CACNA1E: variants seen among roughly 807,000 people sequenced by gnomAD.
CACNA1E encodes voltage-dependent R-type calcium channel subunit alpha-1E.
Under a neutral mutation model 259.2 loss-of-function variants are expected in CACNA1E, and 40 were observed. The observed-to-expected ratio is 0.15, with a 90% CI of 0.12 to 0.20. The LOEUF is 0.20. Ranked by LOEUF, CACNA1E falls within the 10% of genes least tolerant of loss-of-function variation. The probability of loss-of-function intolerance (pLI) is 1.00; values close to 1 mark genes in which losing one functional copy is unlikely to be tolerated. For missense variants in CACNA1E, 1,874 were observed against 3,040.1 expected, an observed-to-expected ratio of 0.62 and a Z score of 9.02; for synonymous variants, 1,104 against 1,138.5, an observed-to-expected ratio of 0.97 and a Z score of 0.61.
intron 1 of CACNA1E, among the ~76,000 whole-genome samples, chr1:181,402,993 C>T (rs1404202196): frequency 6.6e-6 from 1 of 152,114 alleles, no homozygotes; most frequent in African/African-American, 2.4e-5. Context: ...GGTTAATAAA[C>T]ATGAATTTCA....
At chr1:181,616,843 G>A (rs569793569) in intron 6 of CACNA1E, among the ~76,000 whole-genome samples, 1 of 152,278 alleles carries the variant, frequency 6.6e-6, no homozygotes, top group Admixed American at 6.5e-5. Flanking sequence ...ATAAGTTACA[G>A]ATTTAATTTC....
At position 181,385,763 on chromosome 1, in the gene CACNA1E, C is replaced by A. The variant is rs542452969; in HGVS notation, c.-14-27370C>A. Among the ~76,000 whole-genome samples the A allele has an allele frequency of 2.6e-5, 4 of 151,588 alleles. No homozygotes were observed. The South Asian group carries it at 8.4e-4, about 32-fold the overall frequency. The stretch of plus-strand genomic sequence containing the variant: ...CCTTTCCTTCCTCTTTCCTCCTCTC[C>A]TCTCTTACTTCCCTCCCTCCTTTCT... On this transcript the variant is annotated intron_variant, in intron 1 of 11. Coordinates refer to the CACNA1E transcript ENST00000524607.
intron 2 of CACNA1E, among the ~76,000 whole-genome samples, chr1:181,454,396 C>A (rs1233254384): frequency 2.0e-5 from 3 of 152,154 alleles, no homozygotes; most frequent in Non-Finnish European, 4.4e-5. Context: ...TTGAAAGGGA[C>A]CTTTCAATAT....
chr1:181,401,426 A>G (rs529295064), intron 1 of CACNA1E, among the ~76,000 whole-genome samples: 1 of 152,142 alleles, frequency 6.6e-6, no homozygotes, highest in South Asian at 2.1e-4. Context: ...GAATCTGTTT[A>G]TTTTTCTGTT....
intron 3 of CACNA1E, among the ~76,000 whole-genome samples, chr1:181,526,602 G>T (rs1490501836): frequency 6.6e-6 from 1 of 152,088 alleles, no homozygotes; most frequent in Non-Finnish European, 1.5e-5. Flanking sequence ...ATATCATTTT[G>T]ATCTTGAAAT....
Position 181,781,475 on chromosome 1 carries a change from A to T in CACNA1E, c.5316A>T (p.Ser1772=). The part of the protein sequence containing the change: ...TEMYEMLTLM[S]PPLGLGKRCP... The stretch of plus-strand genomic sequence containing the variant: ...TGTATGAAATGCTGACTCTCATGTC[A>T]CCTCCGCTAGGCCTCGGCAAGAGAT... Residue 1772 remains serine (S), a synonymous_variant, in exon 39 of 48, where the codon TCA becomes TCT. Transcript: ENST00000367573. 1 of 1,598,796 alleles carries T rather than the reference A, an allele frequency of 6.3e-7. No individual in the cohort carries two copies. Among genetic ancestry groups the T allele is most frequent in the Non-Finnish European group, 8.5e-7 (1 of 1,171,284 alleles).
chr1:181,580,812 G>A (rs1651441144), intron 6 of CACNA1E, 36 bp downstream of exon 6: 1 of 1,598,822 alleles, frequency 6.3e-7, no homozygotes. Flanking sequence ...AAGGAGGAGG[G>A]AAGAACCCTG....
At chr1:181,785,586 C>G (rs1006650247) in intron 42 of CACNA1E, 127 bp from the exon 43 acceptor site, 9 of 883,378 alleles carry the variant, frequency 1.0e-5, no homozygotes, top group Non-Finnish European at 1.1e-5. Flanking sequence ...CCCAGTGGAT[C>G]GAAGGTTAAA....
chr1:181,650,594 A>G (rs1021915376), intron 6 of CACNA1E, among the ~76,000 whole-genome samples: 5 of 152,232 alleles, frequency 3.3e-5, no homozygotes, highest in African/African-American at 1.2e-4. Context: ...TATCCTGCTA[A>G]GAATTGCTTC....
chr1:181,571,611 C>T (rs1433897630), intron 3 of CACNA1E, among the ~76,000 whole-genome samples: 2 of 152,246 alleles, frequency 1.3e-5, no homozygotes, highest in Admixed American at 1.3e-4. Flanking sequence ...GGAAATTCAG[C>T]TTGTATTAGG....
At chr1:181,442,255 G>GCACAGGTATGAGGGA (rs772883261) in intron 2 of CACNA1E, among the ~76,000 whole-genome samples, 2 of 151,338 alleles carry the variant, frequency 1.3e-5, no homozygotes, top group African/African-American at 4.9e-5. Flanking sequence ...GGTGTGAAGG[G>GCACAGGTATGAGGGA]CACAGGTATG....
chr1:181,416,627 G>A (rs1018088164), intron 2 of CACNA1E, among the ~76,000 whole-genome samples: 8 of 152,110 alleles, frequency 5.3e-5, no homozygotes, highest in East Asian at 3.9e-4. Context: ...CCAGGAATGC[G>A]GCTTGCTCTG....
chr1:181,371,136 T>A, intron 1 of CACNA1E, among the ~76,000 whole-genome samples: 1 of 152,216 alleles, frequency 6.6e-6, no homozygotes, highest in East Asian at 1.9e-4. Flanking sequence ...CAGCTATTGA[T>A]TTGTTTAAAT....
At chr1:181,535,141 G>A (rs1668074617) in intron 3 of CACNA1E, among the ~76,000 whole-genome samples, 1 of 152,106 alleles carries the variant, frequency 6.6e-6, no homozygotes, top group South Asian at 2.1e-4. Flanking sequence ...AAACGTAAAG[G>A]TAACTATTAG....
intron 21 of CACNA1E, 76 bp downstream of exon 21, chr1:181,733,826 A>G: frequency 8.8e-7 from 1 of 1,134,056 alleles, no homozygotes; most frequent in Non-Finnish European, 1.2e-6. Flanking sequence ...CAATAAAGCC[A>G]CATGGAAAGC....
chr1:181,566,644 C>T (rs758792748), intron 3 of CACNA1E, among the ~76,000 whole-genome samples: 8 of 152,170 alleles, frequency 5.3e-5, no homozygotes, highest in Admixed American at 2.0e-4. Context: ...TTTGGAGACA[C>T]GTTCAGGCCA....
intron 1 of CACNA1E, among the ~76,000 whole-genome samples, chr1:181,326,638 G>C (rs970297645): frequency 6.6e-6 from 1 of 152,074 alleles, no homozygotes; most frequent in Non-Finnish European, 1.5e-5. Flanking sequence ...GCCACCGCTC[G>C]TATGCTGGTG....
intron 1 of CACNA1E, among the ~76,000 whole-genome samples, chr1:181,373,168 G>C (rs1322886625): frequency 6.6e-6 from 1 of 152,116 alleles, no homozygotes; most frequent in Non-Finnish European, 1.5e-5. Flanking sequence ...AGTTAGGGAG[G>C]AGTTTCTTCT....
intron 3 of CACNA1E, among the ~76,000 whole-genome samples, chr1:181,548,439 A>G (rs1647763042): frequency 6.6e-6 from 1 of 152,086 alleles, no homozygotes; most frequent in Admixed American, 6.6e-5. Flanking sequence ...ATAACACTTT[A>G]TTAGTATCTT....
Sources: allele counts gnomAD v4.1 joint callset (sites outside exome capture counted in the v4.1 genomes callset), GRCh38; gene constraint gnomAD v4.1.1; transcripts MANE v1.5; gene names NCBI Gene and HGNC (gene_info 2026-07-23, HGNC 2026-07-21).